Variants in SEPTIN10 observed in about 807,000 individuals in gnomAD.
SEPTIN10 encodes the protein septin 10, also known as septin-10.
In SEPTIN10, 66 loss-of-function variants were observed where a neutral mutation model predicts 54.8. That is an observed-to-expected ratio of 1.21 (90% CI 0.99 to 1.48). The LOEUF is 1.48. Ranked by LOEUF, SEPTIN10 falls within the 40% of genes most tolerant of loss-of-function variation. The pLI is 0.00. For missense variants in SEPTIN10, 620 were observed against 545.6 expected (o/e 1.14, Z -1.36); for synonymous variants, 161 against 181.0 (o/e 0.89, Z 0.89).
At chr2:109,592,759 G>A (rs949965276) in intron 2 of SEPTIN10, among the ~76,000 whole-genome samples, 3 of 149,882 alleles carry the variant, frequency 2.0e-5, no homozygotes, top group Admixed American at 6.7e-5. Context: ...CAGCCTGGGC[G>A]ACAGAGCAAG....
intron 9 of SEPTIN10, chr2:109,552,680 G>T: frequency 5.6e-6 from 1 of 179,306 alleles, no homozygotes. Context: ...AAAACATCCA[G>T]TCGTGTTTCT....
intron 3 of SEPTIN10, 47 bp from the exon 4 acceptor site, chr2:109,585,368 A>G: frequency 6.9e-7 from 1 of 1,441,870 alleles, no homozygotes; most frequent in Non-Finnish European, 9.5e-7. Flanking sequence ...AATGGCTGAA[A>G]AGAAATACAA....
At chr2:109,550,500 G>A (rs1180946203) in intron 9 of SEPTIN10, among the ~76,000 whole-genome samples, 1 of 151,802 alleles carries the variant, frequency 6.6e-6, no homozygotes, top group East Asian at 2.0e-4. Flanking sequence ...TTTTAGTAGA[G>A]ATGGGGTTTC....
chr2:109,548,146 T>C (rs930022494), intron 9 of SEPTIN10, among the ~76,000 whole-genome samples: 3 of 150,568 alleles, frequency 2.0e-5, no homozygotes, highest in Admixed American at 6.7e-5. Flanking sequence ...AAGGAGAATG[T>C]AGGTGGACCT....
chr2:109,606,243 C>T (rs79326679), intron 1 of SEPTIN10, among the ~76,000 whole-genome samples: 3 of 152,052 alleles, frequency 2.0e-5, no homozygotes, highest in African/African-American at 4.8e-5. Flanking sequence ...GGTGAAACCC[C>T]GCTTCTACTA....
intron 4 of SEPTIN10, among the ~76,000 whole-genome samples, chr2:109,577,109 GA>G (rs1316049363): frequency 6.6e-6 from 1 of 152,088 alleles, no homozygotes; most frequent in East Asian, 1.9e-4. Flanking sequence ...ACCCTTAAGG[GA>G]GACTTCTTAA....
At chr2:109,574,178 C>T (rs986085962) in intron 5 of SEPTIN10, among the ~76,000 whole-genome samples, 1 of 151,916 alleles carries the variant, frequency 6.6e-6, no homozygotes, top group African/African-American at 2.4e-5. Context: ...GTGGCTCATG[C>T]CTGTAGTTCT....
chr2:109,591,541 AAG>A (rs1694068045), intron 2 of SEPTIN10, among the ~76,000 whole-genome samples: 1 of 152,220 alleles, frequency 6.6e-6, no homozygotes, highest in African/African-American at 2.4e-5. Flanking sequence ...TATATGGAGA[AAG>A]AGGGAAAAAC....
At position 109,563,893 on chromosome 2, in the gene SEPTIN10, G is replaced by T. The variant is rs1251126998; in HGVS notation, c.1028+473C>A. On this transcript the variant is annotated intron_variant, in intron 8 of 10. Coordinates refer to ENST00000397712, the MANE Select transcript of SEPTIN10 (RefSeq NM_144710.5). ...CCCAAAGCTTTGCGAGGCTGAGGTA[G>T]GAGGATCACTTGAGGCCAGGAGTTT... Among the ~76,000 whole-genome samples, 3 of 152,176 alleles carry T rather than the reference G, an allele frequency of 2.0e-5. No individual in the cohort carries two copies. In the East Asian group the frequency reaches 5.8e-4, roughly 29 times the overall value.
chr2:109,590,159 G>T (rs1693684767), intron 2 of SEPTIN10, among the ~76,000 whole-genome samples: 1 of 151,544 alleles, frequency 6.6e-6, no homozygotes, highest in African/African-American at 2.4e-5. Flanking sequence ...GGTAATGACA[G>T]ACTATTGAGA....
intron 4 of SEPTIN10, among the ~76,000 whole-genome samples, chr2:109,581,701 A>G (rs1691193382): frequency 6.6e-6 from 1 of 152,170 alleles, no homozygotes; most frequent in South Asian, 2.1e-4. Context: ...CCAACAAATA[A>G]GTTAATGAGA....
At chr2:109,570,578 G>A (rs1376811198) in intron 5 of SEPTIN10, among the ~76,000 whole-genome samples, 1 of 151,036 alleles carries the variant, frequency 6.6e-6, no homozygotes, top group Non-Finnish European at 1.5e-5. Flanking sequence ...AGGCTGGAGT[G>A]CAGTGGCGTG....
chr2:109,557,971 T>C (rs1684778895), intron 8 of SEPTIN10, among the ~76,000 whole-genome samples: 1 of 152,002 alleles, frequency 6.6e-6, no homozygotes, highest in South Asian at 2.1e-4. Flanking sequence ...TTCTGTATTC[T>C]TTGTAGAGAC....
At chr2:109,558,208 TC>T (rs1248588506) in intron 8 of SEPTIN10, among the ~76,000 whole-genome samples, 1 of 152,172 alleles carries the variant, frequency 6.6e-6, no homozygotes, top group African/African-American at 2.4e-5. Context: ...TCAAGAAAAG[TC>T]CTTTCCTTCA....
chr2:109,544,187 G>A lies in SEPTIN10; in HGVS notation c.*122C>T. On this transcript the variant is annotated 3_prime_UTR_variant, in exon 11 of 11. Transcript: ENST00000397712. The stretch of plus-strand genomic sequence containing the variant: ...TACTTTTCCATAAATATCAGTAACT[G>A]TGGCTGTTCACCAAATATAGAAGTG... 6.3e-7 allele frequency: 1 copy of A among 1,598,188 alleles called. No individual in the cohort carries two copies. The highest frequency in any genetic ancestry group is 1.1e-5 in the South Asian group (1 of 90,018).
chr2:109,593,800 C>T (rs1455999997), intron 1 of SEPTIN10, among the ~76,000 whole-genome samples: 3 of 152,100 alleles, frequency 2.0e-5, no homozygotes, highest in African/African-American at 4.8e-5. Context: ...GTCAAGAATG[C>T]TACAATTGTG....
intron 1 of SEPTIN10, among the ~76,000 whole-genome samples, chr2:109,604,093 T>G (rs1382004687): frequency 2.3e-5 from 3 of 129,194 alleles, no homozygotes; most frequent in South Asian, 2.5e-4. Flanking sequence ...ACCTGGGAGG[T>G]GGAGATTGCA....
chr2:109,597,708 C>T lies in SEPTIN10; in HGVS notation c.31-4589G>A, dbSNP rs1009890740. On this transcript the variant is annotated intron_variant, in intron 1 of 10. Coordinates refer to ENST00000397712, the MANE Select transcript of SEPTIN10 (RefSeq NM_144710.5). ...TCCCATACAGTAACTTAACTCCTAG[C>T]AAGGTCTACCATATACTTTTTAAAA... Among the ~76,000 whole-genome samples, 3 of 152,192 alleles carry T rather than the reference C, an allele frequency of 2.0e-5. No individual in the cohort carries two copies. In the East Asian group the frequency reaches 5.8e-4, roughly 29 times the overall value.
At chr2:109,592,317 T>C (rs1694250994) in intron 2 of SEPTIN10, among the ~76,000 whole-genome samples, 1 of 151,352 alleles carries the variant, frequency 6.6e-6, no homozygotes, top group Non-Finnish European at 1.5e-5. Flanking sequence ...ATACAAAAAT[T>C]AGCCAGGTGT....
Sources: gnomAD v4.1 joint callset for allele counts (sites outside exome capture counted in the v4.1 genomes callset) on GRCh38, gnomAD v4.1.1 for gene constraint, MANE v1.5 for transcripts, NCBI Gene and HGNC (gene_info 2026-07-23, HGNC 2026-07-21) for gene names.